Variants in MAF observed in about 807,000 individuals in gnomAD.
The protein encoded by MAF is transcription factor Maf.
In MAF, 10 loss-of-function variants were observed where a neutral mutation model predicts 22.0. The observed-to-expected ratio is 0.45, with a 90% CI of 0.28 to 0.77. The LOEUF (loss-of-function observed/expected upper bound fraction) is 0.77, where lower values mean the gene tolerates loss of function less well. MAF is among the 30% of genes least tolerant of loss of function. The pLI is 0.12. For synonymous variants in MAF, 337 were observed against 255.8 expected (o/e 1.32, Z -3.03); for missense variants, 544 against 548.4 (o/e 0.99, Z 0.08).
the MAF span, chr16:79,212,520 C>G: frequency 5.6e-6 from 1 of 178,310 alleles, no homozygotes; most frequent in Non-Finnish European, 1.2e-5. Flanking sequence ...TAAGAATACA[C>G]AGGATATTTT....
chr16:79,567,109 G>C, the MAF span, among the ~76,000 whole-genome samples: 11 of 152,208 alleles, frequency 7.2e-5, no homozygotes, highest in Non-Finnish European at 1.5e-4. Flanking sequence ...CACAAGGTCA[G>C]GAGTTCGAGA....
chr16:79,440,179 G>C, the MAF span, among the ~76,000 whole-genome samples: 1 of 152,204 alleles, frequency 6.6e-6, no homozygotes, highest in African/African-American at 2.4e-5. Context: ...GTGTTTCTAA[G>C]AATGATAAGG....
the MAF span, among the ~76,000 whole-genome samples, chr16:79,559,374 T>C: frequency 1.3e-5 from 2 of 152,170 alleles, no homozygotes; most frequent in African/African-American, 2.4e-5. Context: ...TATCTCTATG[T>C]AAATTCTAAA....
the MAF span, among the ~76,000 whole-genome samples, chr16:79,321,658 T>A: frequency 7.0e-6 from 1 of 143,148 alleles, no homozygotes; most frequent in African/African-American, 2.6e-5. Context: ...TTTTTTTTTT[T>A]TTTTTTTTTT....
At chr16:79,456,634 C>T in the MAF span, among the ~76,000 whole-genome samples, 2,587 of 152,252 alleles carry the variant, frequency 0.017, 23 homozygotes, top group Non-Finnish European at 0.024. Context: ...TTCTTTACAA[C>T]TGTAAGCTAA....
the MAF span, among the ~76,000 whole-genome samples, chr16:79,550,851 C>A: frequency 5.3e-5 from 8 of 152,066 alleles, no homozygotes; most frequent in South Asian, 2.1e-4. Context: ...ACCCAGAGGA[C>A]CCCCAGGGAG....
the MAF span, among the ~76,000 whole-genome samples, chr16:79,225,939 A>C: frequency 2.6e-5 from 4 of 152,210 alleles, no homozygotes; most frequent in East Asian, 5.8e-4. Flanking sequence ...TGAGAGTGTA[A>C]ATTAGTTCAA....
At chr16:79,568,778 G>A in the MAF span, among the ~76,000 whole-genome samples, 12 of 152,182 alleles carry the variant, frequency 7.9e-5, no homozygotes, top group African/African-American at 2.9e-4. Context: ...AACCCTTCAA[G>A]ACAACCTTCA....
chr16:79,477,390 G>T, the MAF span, among the ~76,000 whole-genome samples: 1 of 152,150 alleles, frequency 6.6e-6, no homozygotes. Context: ...GATCAGCTTT[G>T]CACAGAATAA....
At chr16:79,520,626 T>G in the MAF span, among the ~76,000 whole-genome samples, 320 of 152,330 alleles carry the variant, frequency 2.1e-3, 1 homozygote, top group African/African-American at 6.9e-3. Context: ...AAGCAAATGC[T>G]GTTCTGGCAG....
the MAF span, among the ~76,000 whole-genome samples, chr16:79,481,338 T>C: frequency 6.6e-6 from 1 of 152,008 alleles, no homozygotes; most frequent in Non-Finnish European, 1.5e-5. Flanking sequence ...ATTTATAGAG[T>C]TGTGCGACCA....
chr16:79,330,359 G>A, the MAF span, among the ~76,000 whole-genome samples: 1 of 152,188 alleles, frequency 6.6e-6, no homozygotes, highest in Non-Finnish European at 1.5e-5. Context: ...GCCAGGAAAG[G>A]CTCTTGCAAT....
chr16:79,469,547 G>C, the MAF span, among the ~76,000 whole-genome samples: 4 of 152,188 alleles, frequency 2.6e-5, no homozygotes, highest in East Asian at 5.8e-4. Context: ...GGTCATTGCA[G>C]AGCTAGGTAT....
downstream of MAF, among the ~76,000 whole-genome samples, chr16:79,592,214 T>C (rs1913229704): frequency 6.6e-6 from 1 of 152,214 alleles, no homozygotes. Flanking sequence ...TTTGTTTAGT[T>C]TTGTTTTGTT....
chr16:79,592,369 G>A (rs1913239413), downstream of MAF, among the ~76,000 whole-genome samples: 1 of 152,140 alleles, frequency 6.6e-6, no homozygotes, highest in Non-Finnish European at 1.5e-5. Flanking sequence ...GACAGAGCTG[G>A]GTTTGTTCAG....
chr16:79,230,801 A>G, the MAF span, among the ~76,000 whole-genome samples: 1 of 152,100 alleles, frequency 6.6e-6, no homozygotes, highest in Non-Finnish European at 1.5e-5. Flanking sequence ...TTGCATAGCA[A>G]GACTTGCCCC....
the MAF span, among the ~76,000 whole-genome samples, chr16:79,228,947 G>A: frequency 6.6e-6 from 1 of 151,810 alleles, no homozygotes; most frequent in African/African-American, 2.4e-5. Context: ...AGGGCACGGT[G>A]GGGAATGAGG....
At chr16:79,219,668 T>A in the MAF span, among the ~76,000 whole-genome samples, 1 of 151,704 alleles carries the variant, frequency 6.6e-6, no homozygotes, top group African/African-American at 2.4e-5. Flanking sequence ...TGTGTGACGC[T>A]GTGCCACCAT....
At chr16:79,512,609 A>G in the MAF span, among the ~76,000 whole-genome samples, 1 of 152,146 alleles carries the variant, frequency 6.6e-6, no homozygotes, top group Non-Finnish European at 1.5e-5. Flanking sequence ...TGGGGAGCTC[A>G]TTATGAATCC....
Sources: allele counts gnomAD v4.1 joint callset (sites outside exome capture counted in the v4.1 genomes callset), GRCh38; gene constraint gnomAD v4.1.1; transcripts MANE v1.5; gene names NCBI Gene and HGNC (gene_info 2026-07-23, HGNC 2026-07-21).